The following ST6GALNAC3 variants were observed in gnomAD, a reference collection of about 807,000 sequenced individuals.
The protein encoded by ST6GALNAC3 is ST6 N-acetylgalactosaminide alpha-2,6-sialyltransferase 3.
In ST6GALNAC3, 25 loss-of-function variants were observed where a neutral mutation model predicts 32.7. The ratio of observed to expected loss-of-function variants is 0.76; its 90% confidence interval spans 0.56 to 1.07. The LOEUF (loss-of-function observed/expected upper bound fraction) is 1.07, where lower values mean the gene tolerates loss of function less well. Ranked by LOEUF, ST6GALNAC3 falls within the 50% of genes least tolerant of loss-of-function variation. The pLI is 0.00. For synonymous variants in ST6GALNAC3, 129 were observed against 133.1 expected (o/e 0.97, Z 0.21); for missense variants, 355 against 382.4 (o/e 0.93, Z 0.60).
chr1:76,595,788 A>G (rs1444784972), intron 3 of ST6GALNAC3, among the ~76,000 whole-genome samples: 1 of 152,052 alleles, frequency 6.6e-6, no homozygotes, highest in Admixed American at 6.6e-5. Flanking sequence ...CATATTTCTT[A>G]AACTTTCTTT....
At chr1:76,636,314 T>C (rs867062412), downstream of ST6GALNAC3, among the ~76,000 whole-genome samples, 2 of 152,154 alleles carry the variant, frequency 1.3e-5, no homozygotes, top group South Asian at 2.1e-4. Context: ...AGGATAGATG[T>C]GCCCTCACCT....
intron 2 of ST6GALNAC3, among the ~76,000 whole-genome samples, chr1:76,395,160 T>A (rs1308197514): frequency 2.0e-5 from 3 of 151,560 alleles, no homozygotes; most frequent in African/African-American, 7.3e-5. Flanking sequence ...GTAAAGGAGG[T>A]CATCCTTTTG....
At chr1:76,282,645 C>T (rs1344858161) in intron 1 of ST6GALNAC3, among the ~76,000 whole-genome samples, 1 of 152,072 alleles carries the variant, frequency 6.6e-6, no homozygotes, top group African/African-American at 2.4e-5. Context: ...TTAGAGGAAT[C>T]GCCTATATGT....
intron 3 of ST6GALNAC3, among the ~76,000 whole-genome samples, chr1:76,478,922 C>T (rs1316607989): frequency 1.3e-5 from 2 of 151,692 alleles, no homozygotes; most frequent in African/African-American, 4.8e-5. Flanking sequence ...GCCACCACGC[C>T]CGGCTAATTT....
At chr1:76,437,829 C>T (rs1656262071) in intron 3 of ST6GALNAC3, among the ~76,000 whole-genome samples, 2 of 152,032 alleles carry the variant, frequency 1.3e-5, no homozygotes, top group South Asian at 4.1e-4. Flanking sequence ...CCGCCTCAGC[C>T]TCCCAAAGTT....
chr1:76,323,302 A>T (rs1486543207), intron 2 of ST6GALNAC3, among the ~76,000 whole-genome samples: 1 of 152,230 alleles, frequency 6.6e-6, no homozygotes, highest in African/African-American at 2.4e-5. Context: ...ATAAAATTGT[A>T]ATACCTCAGT....
chr1:76,610,365 C>T (rs1275993245), intron 3 of ST6GALNAC3, among the ~76,000 whole-genome samples: 3 of 152,180 alleles, frequency 2.0e-5, no homozygotes, highest in African/African-American at 7.2e-5. Context: ...GTTCAGACAG[C>T]CTACCCTGCT....
intron 1 of ST6GALNAC3, among the ~76,000 whole-genome samples, chr1:76,182,466 G>A (rs7539882): frequency 6.6e-6 from 1 of 151,972 alleles, no homozygotes; most frequent in African/African-American, 2.4e-5. Context: ...TGACTTCATA[G>A]AAGTTTCTAT....
chr1:76,308,159 A>G (rs1661177266), intron 1 of ST6GALNAC3, among the ~76,000 whole-genome samples: 1 of 152,154 alleles, frequency 6.6e-6, no homozygotes, highest in Non-Finnish European at 1.5e-5. Context: ...AAGGGTTTGC[A>G]GCTGCTTGGA....
At chr1:76,564,571 C>A (rs1043138281) in intron 3 of ST6GALNAC3, among the ~76,000 whole-genome samples, 1 of 147,184 alleles carries the variant, frequency 6.8e-6, no homozygotes, top group Non-Finnish European at 1.5e-5. Context: ...AAGTTGAATG[C>A]AGCATTTTTT....
rs927495904 is a variant in ST6GALNAC3, at chr1:76,405,506, G to A, written c.214-6502G>A. ...GGTTCATACCCAAAGAAGAGAAAGG[G>A]ATGGTTTTCCCAGGGTGGTTGGTAA... On this transcript the variant is annotated intron_variant, in intron 2 of 4. Transcript: ENST00000328299. Among the ~76,000 whole-genome samples the A allele has an allele frequency of 2.6e-5, 4 of 152,170 alleles. No individual in the cohort carries two copies. In the East Asian group the frequency reaches 5.8e-4, roughly 22 times the overall value.
intron 2 of ST6GALNAC3, among the ~76,000 whole-genome samples, chr1:76,357,351 G>A (rs187983722): frequency 6.6e-6 from 1 of 152,092 alleles, no homozygotes; most frequent in East Asian, 1.9e-4. Flanking sequence ...GGCCAGGCTG[G>A]TCTCAAACTC....
At chr1:76,547,243 A>G (rs539316428) in intron 3 of ST6GALNAC3, among the ~76,000 whole-genome samples, 1 of 152,350 alleles carries the variant, frequency 6.6e-6, no homozygotes, top group Non-Finnish European at 1.5e-5. Flanking sequence ...GAACTAGACC[A>G]ACCGAAAACA....
chr1:76,516,688 T>A (rs1662193095), intron 3 of ST6GALNAC3, among the ~76,000 whole-genome samples: 1 of 152,112 alleles, frequency 6.6e-6, no homozygotes, highest in South Asian at 2.1e-4. Context: ...AAAGTTACTG[T>A]CTTCTTATTT....
intron 3 of ST6GALNAC3, among the ~76,000 whole-genome samples, chr1:76,494,575 ACACACACACT>A (rs1452343783): frequency 2.1e-5 from 3 of 144,272 alleles, no homozygotes; most frequent in Non-Finnish European, 3.0e-5. Context: ...ACACACACAC[ACACACACACT>A]TTCCCTACTT....
intron 3 of ST6GALNAC3, among the ~76,000 whole-genome samples, chr1:76,505,585 C>T (rs917177529): frequency 6.6e-6 from 1 of 152,170 alleles, no homozygotes; most frequent in African/African-American, 2.4e-5. Flanking sequence ...AATGGCAAGA[C>T]TCAGTCTAAC....
intron 3 of ST6GALNAC3, among the ~76,000 whole-genome samples, chr1:76,449,769 C>T (rs1024431202): frequency 6.6e-5 from 10 of 152,078 alleles, no homozygotes; most frequent in African/African-American, 9.7e-5. Context: ...TTTTGTGTAA[C>T]GGTCTTTTGT....
At chr1:76,393,762 T>C (rs894928351) in intron 2 of ST6GALNAC3, among the ~76,000 whole-genome samples, 3 of 152,162 alleles carry the variant, frequency 2.0e-5, no homozygotes, top group African/African-American at 7.2e-5. Flanking sequence ...TTTAATCACA[T>C]GATTTGTCTT....
intron 2 of ST6GALNAC3, among the ~76,000 whole-genome samples, chr1:76,388,568 G>A (rs1316989887): frequency 1.3e-5 from 2 of 152,080 alleles, no homozygotes; most frequent in East Asian, 3.9e-4. Flanking sequence ...CTATGGAAAG[G>A]ACTAAGCTCT....
Sources: allele counts gnomAD v4.1 joint callset (sites outside exome capture counted in the v4.1 genomes callset), GRCh38; gene constraint gnomAD v4.1.1; transcripts MANE v1.5; gene names NCBI Gene and HGNC (gene_info 2026-07-23, HGNC 2026-07-21).